The following KLF17 variants were observed in gnomAD, a reference collection of about 807,000 sequenced individuals.
The protein encoded by KLF17 is Krueppel-like factor 17.
KLF17 carries 31 observed loss-of-function variants against 34.2 expected under a neutral mutation model. The ratio of observed to expected loss-of-function variants is 0.91; its 90% CI spans 0.68 to 1.22. The LOEUF (loss-of-function observed/expected upper bound fraction) is 1.22. Among genes scored for constraint, KLF17 ranks in the 50% most tolerant of loss-of-function variants. The pLI is 0.00. For missense variants in KLF17, 478 were observed against 505.2 expected (o/e 0.95, Z 0.52); for synonymous variants, 179 against 186.7 (o/e 0.96, Z 0.34).
the KLF17 span, among the ~76,000 whole-genome samples, chr1:44,099,878 A>AAAG: frequency 1.3e-4 from 9 of 66,958 alleles, no homozygotes; most frequent in African/African-American, 4.1e-4. Context: ...AGAAAGAAAG[A>AAAG]AAGAAAGAAA....
chr1:44,044,524 T>C, the KLF17 span: 3 of 152,266 alleles, frequency 2.0e-5, no homozygotes, highest in African/African-American at 7.2e-5. Context: ...TGTGGCTGTG[T>C]CTGGAGGCAT....
chr1:44,117,981 A>G (rs2087899015), upstream of KLF17, among the ~76,000 whole-genome samples: 1 of 152,200 alleles, frequency 6.6e-6, no homozygotes, highest in Non-Finnish European at 1.5e-5. Context: ...TCAAGGCCCT[A>G]TCCCTCTGTC....
the KLF17 span, chr1:44,101,686 T>G: frequency 1.3e-5 from 2 of 152,218 alleles, no homozygotes; most frequent in African/African-American, 4.8e-5. Context: ...GTTACTATTT[T>G]TCTTGATATT....
the KLF17 span, among the ~76,000 whole-genome samples, chr1:44,069,290 T>C: frequency 6.6e-6 from 1 of 152,210 alleles, no homozygotes; most frequent in Non-Finnish European, 1.5e-5. This position sits in a 1 kb window ranked among gnomAD's most constrained non-coding sequence, Gnocchi z 4.7. Flanking sequence ...TCTCCCCTTA[T>C]GTGTTAGTCT....
chr1:44,110,575 T>C, the KLF17 span: 4 of 151,982 alleles, frequency 2.6e-5, no homozygotes, highest in African/African-American at 9.7e-5. Flanking sequence ...ATGCCTGTAA[T>C]CCCAGCTACT....
chr1:44,045,778 C>T, the KLF17 span, among the ~76,000 whole-genome samples: 1 of 152,158 alleles, frequency 6.6e-6, no homozygotes, highest in Admixed American at 6.5e-5. Flanking sequence ...CCAGTGTTAT[C>T]CCCAAACTAT....
the KLF17 span, among the ~76,000 whole-genome samples, chr1:44,077,670 A>T: frequency 1.1e-4 from 16 of 152,336 alleles, no homozygotes; most frequent in African/African-American, 3.8e-4. Context: ...GCAACTGGCT[A>T]GAAAACCTTC....
intron 1 of KLF17, among the ~76,000 whole-genome samples, chr1:44,126,575 G>GCTTC (rs1553171523): frequency 6.6e-5 from 10 of 152,000 alleles, no homozygotes; most frequent in Non-Finnish European, 1.3e-4. Context: ...GGTTCCTGGT[G>GCTTC]CTTCCTACCC....
the KLF17 span, among the ~76,000 whole-genome samples, chr1:44,064,051 G>C: frequency 6.6e-6 from 1 of 152,134 alleles, no homozygotes; most frequent in Admixed American, 6.6e-5. Flanking sequence ...GGCACATGGA[G>C]AATACCTAGC....
chr1:44,059,021 G>A, the KLF17 span, among the ~76,000 whole-genome samples: 3 of 152,154 alleles, frequency 2.0e-5, no homozygotes, highest in Non-Finnish European at 2.9e-5. Flanking sequence ...GGAAGGGGCC[G>A]TATCAGGTGT....
chr1:44,064,106 A>C, the KLF17 span, among the ~76,000 whole-genome samples: 5 of 152,208 alleles, frequency 3.3e-5, no homozygotes, highest in Non-Finnish European at 7.3e-5. Context: ...CAGAGGAAGC[A>C]CTTCAGCCAA....
At chr1:44,085,994 G>C in the KLF17 span, among the ~76,000 whole-genome samples, 1 of 152,092 alleles carries the variant, frequency 6.6e-6, no homozygotes, top group Non-Finnish European at 1.5e-5. Flanking sequence ...GTCCAAGGAG[G>C]AGAGAGTGAC....
At chr1:44,061,126 C>T in the KLF17 span, 4 of 152,220 alleles carry the variant, frequency 2.6e-5, no homozygotes, top group African/African-American at 9.7e-5. Flanking sequence ...TTCTATATTA[C>T]AACAGTTCCA....
the KLF17 span, among the ~76,000 whole-genome samples, chr1:44,049,814 TG>T: frequency 6.6e-6 from 1 of 152,358 alleles, no homozygotes; most frequent in East Asian, 1.9e-4. Context: ...AAGGTTTATC[TG>T]TGCTGTTATG....
the KLF17 span, among the ~76,000 whole-genome samples, chr1:44,081,590 A>G: frequency 1.3e-4 from 19 of 150,742 alleles, no homozygotes; most frequent in Non-Finnish European, 2.4e-4. Flanking sequence ...TAATTTTTGT[A>G]TTTTTTTTCC....
chr1:44,086,468 A>AAAATAAATAAAT, the KLF17 span, among the ~76,000 whole-genome samples: 1 of 148,410 alleles, frequency 6.7e-6, no homozygotes, highest in African/African-American at 2.5e-5. Context: ...CTCCATCTCA[A>AAAATAAATAAAT]AAATAAATAA....
chr1:44,090,529 T>C, the KLF17 span, among the ~76,000 whole-genome samples: 34 of 146,028 alleles, frequency 2.3e-4, no homozygotes, highest in African/African-American at 8.2e-4. Flanking sequence ...AGGGCAGTCC[T>C]GGAAAAACTG....
At chr1:44,109,285 A>T in the KLF17 span, among the ~76,000 whole-genome samples, 5 of 152,240 alleles carry the variant, frequency 3.3e-5, no homozygotes, top group South Asian at 2.1e-4. Flanking sequence ...AGAGACCAGT[A>T]AGAGCTTTTG....
the KLF17 span, among the ~76,000 whole-genome samples, chr1:44,064,447 A>G: frequency 6.6e-6 from 1 of 152,340 alleles, no homozygotes; most frequent in East Asian, 1.9e-4. Flanking sequence ...GTAGACTGTG[A>G]AGAATTTCAT....
Sources: gnomAD v4.1 joint callset for allele counts (sites outside exome capture counted in the v4.1 genomes callset) on GRCh38, gnomAD v4.1.1 for gene constraint, Gnocchi (gnomAD v3.1) non-coding constraint, MANE v1.5 for transcripts, NCBI Gene and HGNC (gene_info 2026-07-23, HGNC 2026-07-21) for gene names.